Variants in MUC5B observed in about 807,000 individuals in gnomAD.
The protein encoded by MUC5B is mucin 5B, oligomeric mucus/gel-forming.
MUC5B carries 116 observed loss-of-function variants against 376.9 expected under a neutral mutation model. That is an observed-to-expected ratio of 0.31 (90% CI 0.26 to 0.36). The LOEUF (loss-of-function observed/expected upper bound fraction) is 0.36, where lower values mean the gene tolerates loss of function less well. MUC5B is among the 10% of genes least tolerant of loss of function. MUC5B has a pLI of 1.00. For synonymous variants in MUC5B, 3,517 were observed against 3,390.9 expected, an observed-to-expected ratio of 1.04 and a Z score of -1.29; for missense variants, 7,165 against 7,769.9, an observed-to-expected ratio of 0.92 and a Z score of 2.93.
rs1346562633 is a variant in MUC5B at position 1,246,168 on chromosome 11, C to G, written c.9288C>G (p.Pro3096=). ...TGGCCACCATGTCCACAATCCACCC[C>G]TCCTCCACTCCGGAGACCACCCACA... The part of the protein sequence containing the change: ...TPMATMSTIH[P]SSTPETTHTS... The change falls in exon 31 of 49, where the codon CCC becomes CCG. Residue 3096 remains proline, a synonymous_variant. Transcript: ENST00000529681. 2 of 1,612,906 alleles carry G rather than the reference C, an allele frequency of 1.2e-6. No homozygotes were observed. The highest frequency in any genetic ancestry group is 1.3e-5 in the African/African-American group (1 of 74,554).
Position 1,246,483 on chromosome 11 carries a change from C to G in MUC5B, c.9603C>G (p.Thr3201=), listed in dbSNP as rs201457576. Residue 3201 remains threonine (T), a synonymous_variant, in exon 31 of 49, where the codon ACC becomes ACG. Transcript: ENST00000529681. The stretch of plus-strand genomic sequence containing the variant: ...TCAAAGTGCTGACCAGCACGGCCAC[C>G]ACACCCACAGTCATCAGCTCCAGAG... ...GTLKVLTSTA[T]TPTVISSRAT... is the part of the protein sequence containing the mutation. 0.028 allele frequency: 44,327 copies of G among 1,608,844 alleles called. 967 individuals carry two copies. The highest frequency in any genetic ancestry group is 0.03 in the Non-Finnish European group (35,236 of 1,175,522).
chr11:1,249,427 C>A lies in MUC5B; in HGVS notation c.12547C>A (p.Pro4183Thr), dbSNP rs768925870. 73 of 1,611,318 alleles carry A rather than the reference C, an allele frequency of 4.5e-5. No individual in the cohort carries two copies. In the African/African-American group the frequency reaches 8.3e-4, roughly 18 times the overall value. The change falls in exon 31 of 49, where the codon CCC (proline) becomes ACC (threonine). Residue 4183 changes from proline (P) to threonine (T), a missense_variant. Coordinates refer to ENST00000529681, the MANE Select transcript of MUC5B (RefSeq NM_002458.3). ...ECRAQAQPGV[P>T]LGELGQVVEC... is the part of the protein sequence containing the mutation. ...CCGTGCCCAGGCCCAGCCTGGTGTC[C>A]CCCTGGGGGAGTTGGGCCAGGTCGT...
At position 1,250,091 on chromosome 11, in the gene MUC5B, C is replaced by T; in HGVS notation, c.13211C>T (p.Ala4404Val). ...ELTTAATTTA[A>V]TGPTATPSST... ...ACCACAGCAGCCACTACAACTGCAG[C>T]CACTGGCCCCACGGCCACCCCGTCC... Residue 4404 changes from alanine to valine, a missense_variant, in exon 31 of 49, where the codon GCC becomes GTC. By Grantham distance (64) the Ala-to-Val change is moderately conservative. This residue lies in a region of MUC5B where 431 missense variants were observed against 390.4 expected (regional missense o/e 1.10). Coordinates refer to ENST00000529681, the MANE Select transcript of MUC5B (RefSeq NM_002458.3). 1 of 1,610,208 alleles carries T rather than the reference C, an allele frequency of 6.2e-7. No homozygotes were observed. The highest frequency in any genetic ancestry group is 8.5e-7 in the Non-Finnish European group (1 of 1,178,630).
At position 1,242,748 on chromosome 11, in the gene MUC5B, C is replaced by T. The variant is rs201620072; in HGVS notation, c.5868C>T (p.Ser1956=). 502 of 1,613,514 alleles carry T rather than the reference C, an allele frequency of 3.1e-4. No individual in the cohort carries two copies. Among genetic ancestry groups the T allele is most frequent in the Non-Finnish European group, 4.1e-4 (482 of 1,179,598 alleles). The change falls in exon 31 of 49, where the codon TCC becomes TCT. Residue 1956 remains serine (S), a synonymous_variant. Coordinates refer to ENST00000529681, the MANE Select transcript of MUC5B (RefSeq NM_002458.3). ...PTVTSSKATP[S]SSPGTATALP... Reference sequence around the variant, plus strand: ...TCACCAGCTCCAAAGCCACTCCCTCCTCCAGTCCAGGGACTGCAACCGCCC... The same window carrying T: ...TCACCAGCTCCAAAGCCACTCCCTCTTCCAGTCCAGGGACTGCAACCGCCC...
rs753009016 is a variant in MUC5B, at chr11:1,235,166, C to T, written c.2712C>T (p.Ile904=). 5.0e-6 allele frequency: 8 copies of T among 1,613,080 alleles called. No individual in the cohort carries two copies. The Admixed American group carries it at 5.0e-5, about 10-fold the overall frequency. ...TGGCCTACGGGGATGGCCACTTCAT[C>T]ACCTTTGATGGCGATCGCTACAGCT... The part of the protein sequence containing the change: ...TCVAYGDGHF[I]TFDGDRYSFE... Residue 904 remains isoleucine, a synonymous_variant, in exon 22 of 49, where the codon ATC becomes ATT. Coordinates refer to ENST00000529681, the MANE Select transcript of MUC5B (RefSeq NM_002458.3).
chr11:1,256,470 C>T lies in MUC5B; in HGVS notation c.16137-201C>T, dbSNP rs1259836917. 3.9e-5 allele frequency: 20 copies of T among 515,808 alleles called. No individual in the cohort carries two copies. In the South Asian group the frequency reaches 4.4e-4, roughly 11 times the overall value. The allele number at this position is 515,808 out of a possible 1,614,324, so 32.0% of individuals were successfully genotyped here. ...ACCTGGCCCCGCCACCGAGCCCCAC[C>T]CATCCCCGCCCATACTTAGCCCCGC... On this transcript the variant is annotated intron_variant, in intron 38 of 48. Coordinates refer to ENST00000529681, the MANE Select transcript of MUC5B (RefSeq NM_002458.3).
At position 1,246,240 on chromosome 11, in the gene MUC5B, T is replaced by G. The variant is rs564455221; in HGVS notation, c.9360T>G (p.Ser3120Arg). ...TTKATTTRAT[S>R]SMSTPSSTPG... is the part of the protein sequence containing the mutation. ...AGGCCACCACGACAAGGGCCACCAG[T>G]TCCATGTCCACCCCCTCCTCCACTC... Residue 3120 changes from serine (S) to arginine (R), a missense_variant, in exon 31 of 49, where the codon AGT (serine) becomes AGG (arginine). Ser to Arg is a moderately radical substitution (Grantham distance 110). Transcript: ENST00000529681. The G allele has an allele frequency of 6.2e-7, 1 of 1,604,376 alleles. No individual in the cohort carries two copies. Among genetic ancestry groups the G allele is most frequent in the East Asian group, 2.3e-5 (1 of 44,078 alleles).
In MUC5B at chr11:1,255,213, A is replaced by AC; in HGVS notation, c.15840dup (p.Thr5281HisfsTer12). On this transcript the variant is annotated frameshift_variant, in exon 36 of 49. Coordinates refer to ENST00000529681, the MANE Select transcript of MUC5B (RefSeq NM_002458.3). LOFTEE classifies it high-confidence loss of function. ...GCCCCGCAGCCCCGGTGTCTAGCAC[A>AC]CCCACCCCCACCCCATGCCCACCAC... is the stretch of plus-strand genomic sequence containing the variant. The AC allele has an allele frequency of 2.8e-6, 4 of 1,448,518 alleles. No homozygotes were observed. The highest frequency in any genetic ancestry group is 3.7e-6 in the Non-Finnish European group (4 of 1,078,834). The allele number at this position is 1,448,518 out of a possible 1,614,324, so 89.7% of individuals were successfully genotyped here.
intron 3 of MUC5B, 69 bp from the exon 4 acceptor site, chr11:1,226,546 C>T (rs1861885478): frequency 1.3e-6 from 2 of 1,531,196 alleles, no homozygotes; most frequent in Non-Finnish European, 1.8e-6. Context: ...ACCAGGGTGC[C>T]TCGGCCCAGG....
Position 1,234,728 on chromosome 11 carries a change from G to A in MUC5B, c.2630+48G>A. 1 of 899,164 alleles carries A rather than the reference G, an allele frequency of 1.1e-6. No individual in the cohort carries two copies. The highest frequency in any genetic ancestry group is 1.6e-6 in the Non-Finnish European group (1 of 619,088). The allele number at this position is 899,164 out of a possible 1,614,324, so 55.7% of individuals were successfully genotyped here. ...GCAGCAGGTGGGGAGGGCGGGGGCGGGGAGGGCAGCGGGTGGGGAGGCAGC... is the reference window on the plus strand; with the variant it reads ...GCAGCAGGTGGGGAGGGCGGGGGCGAGGAGGGCAGCGGGTGGGGAGGCAGC... On this transcript the variant is annotated intron_variant, in intron 21 of 48. Coordinates refer to ENST00000529681, the MANE Select transcript of MUC5B (RefSeq NM_002458.3). This position sits in a 1 kb window ranked among gnomAD's most constrained non-coding sequence, Gnocchi z 6.3.
intron 23 of MUC5B, among the ~76,000 whole-genome samples, chr11:1,236,159 C>T (rs1422026806): frequency 6.6e-6 from 1 of 152,144 alleles, no homozygotes; most frequent in Non-Finnish European, 1.5e-5. Flanking sequence ...CTGCTGCTCC[C>T]GTGCAGCCCC....
Position 1,223,179 on chromosome 11 carries a change from T to C in MUC5B, c.56T>C (p.Val19Ala), listed in dbSNP as rs1213730007. The change falls in exon 1 of 49, where the codon GTG becomes GCG. Residue 19 changes from valine to alanine, a missense_variant. Val to Ala is a moderately conservative substitution (Grantham distance 64, BLOSUM62 0). Around this residue, in one of 31 missense-constraint regions of MUC5B, gnomAD observed 640 missense variants for 733.0 expected, o/e 0.87. Transcript: ENST00000529681. Reference sequence around the variant, plus strand: ...GTGTTGGCTCTGGCGGCCATGCTCGTGGTGCCGCAGGCAGGTAAGAGCCCC... The same window carrying C: ...GTGTTGGCTCTGGCGGCCATGCTCGCGGTGCCGCAGGCAGGTAAGAGCCCC... ...TLVLALAAML[V>A]VPQAETQGPV... is the part of the protein sequence containing the mutation. 1.4e-6 allele frequency: 1 copy of C among 709,034 alleles called. No homozygotes were observed. Among genetic ancestry groups the C allele is most frequent in the Non-Finnish European group, 2.6e-6 (1 of 383,544 alleles). The allele number at this position is 709,034 out of a possible 1,614,324, so 43.9% of individuals were successfully genotyped here.
chr11:1,224,699 G>A (rs946265073), intron 1 of MUC5B, among the ~76,000 whole-genome samples: 1 of 152,118 alleles, frequency 6.6e-6, no homozygotes, highest in Non-Finnish European at 1.5e-5. Context: ...CTCAGGGATC[G>A]GCTGGCTTTC....
In MUC5B at chr11:1,244,688, C is replaced by T. The variant is rs1442828167; in HGVS notation, c.7808C>T (p.Ala2603Val). ...ACCCCCTCCTCCACCCCAGGAACAG[C>T]TCACACTACCAAAGTGCTGACTACC... Reference protein sequence around the residue: ...VATPSSTPGTAHTTKVLTTTT... With the variant: ...VATPSSTPGTVHTTKVLTTTT... Residue 2603 changes from alanine to valine, a missense_variant, in exon 31 of 49, where the codon GCT (alanine) becomes GTT (valine). Physicochemically the swap from Ala to Val is moderately conservative, Grantham distance 64. Around this residue, in one of 31 missense-constraint regions of MUC5B, gnomAD observed 141 missense variants for 111.2 expected, o/e 1.27. Coordinates refer to ENST00000529681, the MANE Select transcript of MUC5B (RefSeq NM_002458.3). 21 of 1,612,848 alleles carry T rather than the reference C, an allele frequency of 1.3e-5. No individual in the cohort carries two copies. Among genetic ancestry groups the T allele is most frequent in the Non-Finnish European group, 1.8e-5 (21 of 1,179,190 alleles).
chr11:1,233,289 C>A, intron 18 of MUC5B, 21 bp downstream of exon 18: 1 of 1,507,274 alleles, frequency 6.6e-7, no homozygotes, highest in South Asian at 1.3e-5. Context: ...GGGGGGAAAG[C>A]AGGCCCCCCA....
chr11:1,229,888 G>A (rs953331436), intron 10 of MUC5B, 81 bp downstream of exon 10: 3 of 1,547,068 alleles, frequency 1.9e-6, no homozygotes, highest in Admixed American at 1.9e-5. Flanking sequence ...CTCTGCCTGG[G>A]GTGGGGGTGT....
chr11:1,247,599 C>G lies in MUC5B; in HGVS notation c.10719C>G (p.Pro3573=). 6.2e-7 allele frequency: 1 copy of G among 1,610,708 alleles called. No individual in the cohort carries two copies. Among genetic ancestry groups the G allele is most frequent in the South Asian group, 1.1e-5 (1 of 90,940 alleles). ...CGGTGGTGACCACGGGCTGTGAGCC[C>G]CAGTGTGCCTGGTCAGAGTGGCTGG... ...ITTVVTTGCE[P]QCAWSEWLDY... Residue 3573 remains proline (P), a synonymous_variant, in exon 31 of 49, where the codon CCC becomes CCG. Coordinates refer to ENST00000529681, the MANE Select transcript of MUC5B (RefSeq NM_002458.3).
At chr11:1,228,196 C>T (rs2133806742) in intron 7 of MUC5B, among the ~76,000 whole-genome samples, 1 of 152,334 alleles carries the variant, frequency 6.6e-6, no homozygotes, top group South Asian at 2.1e-4. Flanking sequence ...CCGCAGCCGG[C>T]AGCCCTGGGC....
At chr11:1,230,807 C>A in intron 12 of MUC5B, 129 bp from the exon 13 acceptor site, 1 of 1,153,254 alleles carries the variant, frequency 8.7e-7, no homozygotes, top group Non-Finnish European at 1.3e-6. Flanking sequence ...GAGCCCACCG[C>A]AGGTCCAGGT....
Sources: gnomAD v4.1 joint callset for allele counts (sites outside exome capture counted in the v4.1 genomes callset) on GRCh38, gnomAD v4.1.1 for gene constraint, gnomAD v4.1.1 regional missense constraint, Gnocchi (gnomAD v3.1) non-coding constraint, MANE v1.5 for transcripts, NCBI Gene and HGNC (gene_info 2026-07-23, HGNC 2026-07-21) for gene names.